The following GPR137B variants were observed in gnomAD, a reference collection of about 807,000 sequenced individuals.
The protein encoded by GPR137B is integral membrane protein GPR137B.
Under a neutral mutation model 42.5 loss-of-function variants are expected in GPR137B, and 42 were observed. The ratio of observed to expected loss-of-function variants is 0.99; its 90% CI spans 0.77 to 1.28. GPR137B has a LOEUF of 1.28. Among genes scored for constraint, GPR137B ranks in the 50% most tolerant of loss-of-function variants. The pLI, the probability that GPR137B is intolerant of heterozygous loss-of-function variation, is 0.00. For synonymous variants in GPR137B, 218 were observed against 209.7 expected, an observed-to-expected ratio of 1.04 and a Z score of -0.34; for missense variants, 487 against 493.9, an observed-to-expected ratio of 0.99 and a Z score of 0.13.
At chr1:236,173,030 T>C (rs1221260704) in intron 2 of GPR137B, among the ~76,000 whole-genome samples, 2 of 150,898 alleles carry the variant, frequency 1.3e-5, no homozygotes, top group African/African-American at 2.4e-5. Flanking sequence ...CAGCGGCTCA[T>C]GTTTGTAATC....
At chr1:236,160,473 T>A (rs1662155068) in intron 1 of GPR137B, among the ~76,000 whole-genome samples, 1 of 152,052 alleles carries the variant, frequency 6.6e-6, no homozygotes. Context: ...CCTCAGTTTC[T>A]CAGCCCTCCA....
chr1:236,194,948 A>G (rs1663293166), intron 5 of GPR137B, among the ~76,000 whole-genome samples: 1 of 152,186 alleles, frequency 6.6e-6, no homozygotes. Flanking sequence ...TATTCTGGCT[A>G]ATTTGGGCAT....
At chr1:236,182,186 C>G (rs1348942493) in intron 4 of GPR137B, among the ~76,000 whole-genome samples, 6 of 152,176 alleles carry the variant, frequency 3.9e-5, no homozygotes, top group African/African-American at 1.2e-4. Context: ...CCACCGTTGG[C>G]TGGCCCTATT....
intron 4 of GPR137B, among the ~76,000 whole-genome samples, chr1:236,182,458 C>CA (rs1305077417): frequency 2.6e-5 from 4 of 151,810 alleles, no homozygotes; most frequent in Admixed American, 6.6e-5. Context: ...TTAAAAACAA[C>CA]AAAAAAAATT....
intron 1 of GPR137B, among the ~76,000 whole-genome samples, chr1:236,160,171 T>G (rs991955405): frequency 6.6e-6 from 1 of 152,204 alleles, no homozygotes; most frequent in African/African-American, 2.4e-5. Context: ...TTGCTGCAAT[T>G]TCTTCTTTCT....
intron 1 of GPR137B, among the ~76,000 whole-genome samples, chr1:236,154,325 C>T (rs1199187026): frequency 6.6e-6 from 1 of 152,130 alleles, no homozygotes; most frequent in Non-Finnish European, 1.5e-5. Flanking sequence ...CAGCACGCGT[C>T]ATCCGTCCCC....
chr1:236,187,838 TTAAAG>T (rs1221530905), intron 5 of GPR137B, among the ~76,000 whole-genome samples: 2 of 152,196 alleles, frequency 1.3e-5, no homozygotes, highest in African/African-American at 4.8e-5. Flanking sequence ...CATATGAAGT[TTAAAG>T]TAGTTTTTTC....
At chr1:236,159,944 G>A (rs1405165090) in intron 1 of GPR137B, among the ~76,000 whole-genome samples, 1 of 152,194 alleles carries the variant, frequency 6.6e-6, no homozygotes, top group African/African-American at 2.4e-5. Flanking sequence ...GCCTGACAGC[G>A]GCCAGCTGGG....
intron 5 of GPR137B, among the ~76,000 whole-genome samples, chr1:236,204,143 C>CT (rs1299374981): frequency 6.6e-6 from 1 of 151,888 alleles, no homozygotes; most frequent in Non-Finnish European, 1.5e-5. Context: ...TTATCAAGTG[C>CT]TTTTTTAGCA....
At chr1:236,179,757 A>C (rs547610497) in intron 3 of GPR137B, 122 bp from the exon 4 acceptor site, 2 of 660,512 alleles carry the variant, frequency 3.0e-6, no homozygotes, top group Non-Finnish European at 5.2e-6. Context: ...GGAAGACCCA[A>C]CAAGATCACA....
chr1:236,153,733 AGT>A (rs912284573), intron 1 of GPR137B, among the ~76,000 whole-genome samples: 5 of 152,220 alleles, frequency 3.3e-5, no homozygotes, highest in Admixed American at 3.3e-4. Context: ...AGAGATATGA[AGT>A]GTGAGATGTT....
At chr1:236,180,633 ATTTTTT>A (rs544204649) in intron 4 of GPR137B, among the ~76,000 whole-genome samples, 3 of 138,510 alleles carry the variant, frequency 2.2e-5, no homozygotes, top group Non-Finnish European at 4.7e-5. Context: ...GCAGTACTTA[ATTTTTT>A]TTTTTTTTTT....
At chr1:236,165,522 T>G (rs1349332452) in intron 1 of GPR137B, among the ~76,000 whole-genome samples, 1 of 152,182 alleles carries the variant, frequency 6.6e-6, no homozygotes, top group Non-Finnish European at 1.5e-5. Context: ...TGTGTTCATG[T>G]TCATGGGGTA....
In GPR137B at chr1:236,175,356, C is replaced by T. The variant is rs760331897; in HGVS notation, c.465-3058C>T. Reference sequence around the variant, plus strand: ...TCAAGGGTGGCAGTGGAGGAAAATCCGTACATAAGTGGCCCCGCACAGTTC... The same window carrying T: ...TCAAGGGTGGCAGTGGAGGAAAATCTGTACATAAGTGGCCCCGCACAGTTC... On this transcript the variant is annotated intron_variant, in intron 2 of 6. Transcript: ENST00000366592. 9.9e-5 allele frequency among the ~76,000 whole-genome samples: 15 copies of T among 152,024 alleles called. No homozygotes were observed. The East Asian group carries it at 1.2e-3, about 12-fold the overall frequency.
intron 4 of GPR137B, among the ~76,000 whole-genome samples, chr1:236,180,932 A>G (rs1662853726): frequency 1.3e-5 from 2 of 152,152 alleles, no homozygotes; most frequent in Admixed American, 1.3e-4. Flanking sequence ...TAATTTTTTT[A>G]ACATGCTTCC....
chr1:236,150,142 CCT>C lies in GPR137B; in HGVS notation c.414+7109_414+7110del, dbSNP rs1018731807. On this transcript the variant is annotated intron_variant, in intron 1 of 6. Transcript: ENST00000366592. The surrounding 1 kb of genome is among the most constrained non-coding windows in gnomAD (Gnocchi z 6.2). ...GTGCCTGCGTGTGCCTGTGTGTGTGCCTCTGTTTGTGTCTGTGCATGTGTGTG... is the reference window on the plus strand; with the variant it reads ...GTGCCTGCGTGTGCCTGTGTGTGTGCCTGTTTGTGTCTGTGCATGTGTGTG... Among the ~76,000 whole-genome samples the C allele has an allele frequency of 7.1e-6, 1 of 141,250 alleles. No homozygotes were observed. The allele number at this position is 141,250 out of a possible 152,430, so 92.7% of individuals were successfully genotyped here.
At chr1:236,160,144 AG>A (rs1188820599) in intron 1 of GPR137B, among the ~76,000 whole-genome samples, 1 of 152,234 alleles carries the variant, frequency 6.6e-6, no homozygotes, top group Non-Finnish European at 1.5e-5. Context: ...GACAAACTTC[AG>A]GGTTTCTGAT....
rs1246539131 is a variant in GPR137B, at chr1:236,142,575, C to T, written c.-48C>T. On this transcript the variant is annotated 5_prime_UTR_variant, in exon 1 of 7. Coordinates refer to ENST00000366592, the MANE Select transcript of GPR137B (RefSeq NM_003272.4). ...TCCAGTCTCGGGGCTGCAGGCTGAG[C>T]GCGATGCGCGGAGACCCCCGCGGGG... The T allele has an allele frequency of 8.9e-6, 10 of 1,122,946 alleles. No homozygotes were observed. The highest frequency in any genetic ancestry group is 1.6e-5 in the African/African-American group (1 of 60,818). 69.6% of individuals were successfully genotyped at this position (1,122,946 alleles called of 1,614,324 possible). A position where few individuals can be genotyped will look rare whatever the true frequency, so the allele number is the denominator to read the frequency against.
intron 1 of GPR137B, among the ~76,000 whole-genome samples, chr1:236,163,845 C>G (rs1386451522): frequency 1.3e-5 from 2 of 152,112 alleles, no homozygotes; most frequent in Non-Finnish European, 2.9e-5. Context: ...CTCATACCTC[C>G]CATGCCTCCA....
Sources: allele counts gnomAD v4.1 joint callset (sites outside exome capture counted in the v4.1 genomes callset), GRCh38; gene constraint gnomAD v4.1.1; non-coding constraint Gnocchi (gnomAD v3.1); transcripts MANE v1.5; gene names NCBI Gene and HGNC (gene_info 2026-07-23, HGNC 2026-07-21).